SCAF8: variants seen among roughly 807,000 people sequenced by gnomAD.
SCAF8 encodes the protein SR-related CTD associated factor 8, also known as SR-related and CTD-associated factor 8.
Under a neutral mutation model 140.5 loss-of-function variants are expected in SCAF8, and 23 were observed. The ratio of observed to expected loss-of-function variants is 0.16; its 90% CI spans 0.12 to 0.23. The LOEUF is 0.23. SCAF8 is among the 10% of genes least tolerant of loss of function. The probability of loss-of-function intolerance (pLI) is 1.00; values close to 1 mark genes in which losing one functional copy is unlikely to be tolerated. For synonymous variants in SCAF8, 575 were observed against 528.9 expected, an observed-to-expected ratio of 1.09 and a Z score of -1.20; for missense variants, 1,397 against 1,555.7, an observed-to-expected ratio of 0.90 and a Z score of 1.72.
chr6:154,833,419 AC>A lies in SCAF8; in HGVS notation c.*26del. On this transcript the variant is annotated 3_prime_UTR_variant, in exon 20 of 20. Transcript: ENST00000367178. Reference sequence around the variant, plus strand: ...AATCATCACTCAGTAGGTAAAAGATACCTTTTGTAAAGTTGTCATCTCTCTG... The same window carrying A: ...AATCATCACTCAGTAGGTAAAAGATACTTTTGTAAAGTTGTCATCTCTCTG... The A allele has an allele frequency of 1.9e-6, 3 of 1,592,996 alleles. No homozygotes were observed. Among genetic ancestry groups the A allele is most frequent in the South Asian group, 1.2e-5 (1 of 86,428 alleles).
At chr6:154,821,347 C>CTTT (rs80093729) in intron 15 of SCAF8, among the ~76,000 whole-genome samples, 1 of 144,882 alleles carries the variant, frequency 6.9e-6, no homozygotes, top group African/African-American at 2.5e-5. Flanking sequence ...TTCTGTTTTA[C>CTTT]TTTTTTTTTT....
At chr6:154,822,503 C>T (rs765853445) in intron 16 of SCAF8, 94 bp downstream of exon 16, 137 of 1,251,702 alleles carry the variant, frequency 1.1e-4, no homozygotes, top group Non-Finnish European at 1.4e-4. Flanking sequence ...ATGAAAATCT[C>T]CATATTAGAA....
chr6:154,787,799 T>C (rs919764013), intron 3 of SCAF8, 62 bp from the exon 4 acceptor site: 1 of 1,391,260 alleles, frequency 7.2e-7, no homozygotes, highest in Admixed American at 1.9e-5. Flanking sequence ...TTGATGATTT[T>C]TGTCTATCAA....
At chr6:154,810,404 G>A (rs1778056790) in intron 12 of SCAF8, among the ~76,000 whole-genome samples, 196 bp downstream of exon 12, 1 of 152,136 alleles carries the variant, frequency 6.6e-6, no homozygotes, top group Non-Finnish European at 1.5e-5. Flanking sequence ...CAAATACCAA[G>A]GTCATTGAGG....
chr6:154,822,401 A>G lies in SCAF8; in HGVS notation c.1918A>G (p.Met640Val), dbSNP rs770556366. 23 of 1,609,890 alleles carry G rather than the reference A, an allele frequency of 1.4e-5. No homozygotes were observed. Among genetic ancestry groups the G allele is most frequent in the African/African-American group, 5.4e-5 (4 of 74,558 alleles). ...AGAGGTTTTCCCTCCTCCTGTTGCT[A>G]TGTTGCAGGTTAGTGTTGAAGTGGG... ...QAEVFPPPVA[M>V]LQIPVAPAVP... is the part of the protein sequence containing the mutation. Residue 640 changes from methionine (M) to valine (V), a missense_variant, in exon 16 of 20, where the codon ATG (methionine) becomes GTG (valine). Met to Val is a conservative substitution (Grantham distance 21, BLOSUM62 1). Transcript: ENST00000367178.
At chr6:154,752,808 G>A (rs935713409) in intron 1 of SCAF8, among the ~76,000 whole-genome samples, 19 of 152,064 alleles carry the variant, frequency 1.2e-4, no homozygotes, top group African/African-American at 3.1e-4. Flanking sequence ...AGCATTCTCC[G>A]CCTCCTAGGT....
chr6:154,788,839 C>T (rs1343249061), intron 4 of SCAF8, among the ~76,000 whole-genome samples: 1 of 152,050 alleles, frequency 6.6e-6, no homozygotes, highest in East Asian at 1.9e-4. Context: ...CTTTTATTTG[C>T]TCTGAGAGGT....
chr6:154,747,535 A>T (rs978013349), intron 1 of SCAF8, among the ~76,000 whole-genome samples: 2 of 151,984 alleles, frequency 1.3e-5, no homozygotes, highest in Admixed American at 1.3e-4. Flanking sequence ...AAACCCATAT[A>T]CGTATACATA....
rs755166608 is a variant in SCAF8 at position 154,810,180 on chromosome 6, A to G, written c.1392A>G (p.Leu464=). Reference sequence around the variant, plus strand: ...AGAAAGAACGACAGAAAAAGGGATTACCTCCAATTAGATCTAAAACACTAA... The same window carrying G: ...AGAAAGAACGACAGAAAAAGGGATTGCCTCCAATTAGATCTAAAACACTAA... ...EREKERQKKG[L]PPIRSKTLSV... The change falls in exon 12 of 20, where the codon TTA becomes TTG. Residue 464 remains leucine, a synonymous_variant. Transcript: ENST00000367178. 1.2e-6 allele frequency: 2 copies of G among 1,611,164 alleles called. No homozygotes were observed. The highest frequency in any genetic ancestry group is 1.1e-5 in the South Asian group (1 of 90,866).
chr6:154,797,577 G>A (rs755704849), intron 6 of SCAF8, among the ~76,000 whole-genome samples: 4 of 151,116 alleles, frequency 2.6e-5, no homozygotes, highest in Non-Finnish European at 5.9e-5. Flanking sequence ...TCTATTTTCA[G>A]TAGAGACAGG....
intron 4 of SCAF8, among the ~76,000 whole-genome samples, chr6:154,790,932 G>C (rs572970112): frequency 6.6e-6 from 1 of 152,246 alleles, no homozygotes; most frequent in Non-Finnish European, 1.5e-5. Context: ...AAACAGTTGT[G>C]AATCAGATTG....
chr6:154,733,681 T>G lies in SCAF8; in HGVS notation c.-220T>G. 4 of 1,228,940 alleles carry G rather than the reference T, an allele frequency of 3.3e-6. No individual in the cohort carries two copies. Among genetic ancestry groups the G allele is most frequent in the Non-Finnish European group, 4.1e-6 (4 of 986,316 alleles). The allele number at this position is 1,228,940 out of a possible 1,614,324, so 76.1% of individuals were successfully genotyped here. On this transcript the variant is annotated 5_prime_UTR_variant, in exon 1 of 20. Transcript: ENST00000367178. ...GCGCCTCTGTTCCCTAGAACGGCGC[T>G]CCCCCCGCCCTAGCGGCCATGCCGG...
At chr6:154,825,640 A>G (rs1303648314) in intron 17 of SCAF8, among the ~76,000 whole-genome samples, 2 of 123,468 alleles carry the variant, frequency 1.6e-5, no homozygotes, top group African/African-American at 3.2e-5. Flanking sequence ...TGGATGACAG[A>G]GTGAGACCTT....
intron 1 of SCAF8, among the ~76,000 whole-genome samples, chr6:154,736,212 C>T (rs1778414248): frequency 6.8e-6 from 1 of 147,612 alleles, no homozygotes; most frequent in South Asian, 2.1e-4. Flanking sequence ...GGGTGTCTGT[C>T]TTTGGGGGGG....
At position 154,733,780 on chromosome 6, in the gene SCAF8, C is replaced by G; in HGVS notation, c.-121C>G. ...CACTCCGCCCCGAGGTCGCAGCGGC[C>G]CGCTCTCCCGCCAGCGCCCCCTCCT... On this transcript the variant is annotated 5_prime_UTR_variant, in exon 1 of 20. Transcript: ENST00000367178. 7.2e-7 allele frequency: 1 copy of G among 1,379,360 alleles called. No individual in the cohort carries two copies. Among genetic ancestry groups the G allele is most frequent in the Non-Finnish European group, 9.3e-7 (1 of 1,069,544 alleles). The allele number at this position is 1,379,360 out of a possible 1,614,324, so 85.4% of individuals were successfully genotyped here. A position where few individuals can be genotyped will look rare whatever the true frequency, so the allele number is the denominator to read the frequency against.
At chr6:154,784,472 G>T (rs1392258044) in intron 3 of SCAF8, among the ~76,000 whole-genome samples, 1 of 151,986 alleles carries the variant, frequency 6.6e-6, no homozygotes, top group Non-Finnish European at 1.5e-5. Flanking sequence ...AGAAACCAGG[G>T]ATGTTTATAT....
chr6:154,767,059 G>T (rs1420398417), intron 1 of SCAF8, among the ~76,000 whole-genome samples: 1 of 152,144 alleles, frequency 6.6e-6, no homozygotes, highest in Admixed American at 6.5e-5. Context: ...GCATTGTCCA[G>T]TATGAAAAGA....
intron 3 of SCAF8, among the ~76,000 whole-genome samples, chr6:154,778,485 C>T (rs1236756971): frequency 6.6e-6 from 1 of 152,090 alleles, no homozygotes; most frequent in Non-Finnish European, 1.5e-5. Flanking sequence ...TATTGATAGG[C>T]TGTGCACAAT....
chr6:154,764,988 TAATGAA>T (rs1016402858), intron 1 of SCAF8, among the ~76,000 whole-genome samples: 22 of 152,310 alleles, frequency 1.4e-4, no homozygotes, highest in African/African-American at 5.1e-4. Context: ...ATCCATTGGA[TAATGAA>T]GGTTTATTAT....
Sources: allele counts gnomAD v4.1 joint callset (sites outside exome capture counted in the v4.1 genomes callset), GRCh38; gene constraint gnomAD v4.1.1; transcripts MANE v1.5; gene names NCBI Gene and HGNC (gene_info 2026-07-23, HGNC 2026-07-21).